Variants in STOX2 observed in about 807,000 individuals in gnomAD.
STOX2 encodes the protein storkhead-box protein 2.
In STOX2, 28 loss-of-function variants were observed where a neutral mutation model predicts 60.9. That is an observed-to-expected ratio of 0.46 (90% CI 0.34 to 0.63). The LOEUF (loss-of-function observed/expected upper bound fraction) is 0.63, where lower values mean the gene tolerates loss of function less well. Ranked by LOEUF, STOX2 falls within the 30% of genes least tolerant of loss-of-function variation. The probability of loss-of-function intolerance (pLI) is 0.01; values close to 1 mark genes in which losing one functional copy is unlikely to be tolerated. For missense variants in STOX2, 1,024 were observed against 1,187.7 expected (o/e 0.86, Z 2.03); for synonymous variants, 472 against 463.9 (o/e 1.02, Z -0.22).
intron 1 of STOX2, among the ~76,000 whole-genome samples, chr4:183,850,925 AGG>A (rs1740107071): frequency 1.4e-5 from 2 of 146,330 alleles, no homozygotes; most frequent in African/African-American, 2.5e-5. Context: ...GGAAAGGATG[AGG>A]GAAAGGATGA....
intron 1 of STOX2, among the ~76,000 whole-genome samples, chr4:183,802,004 G>T (rs539161863): frequency 5.9e-5 from 9 of 152,332 alleles, no homozygotes; most frequent in African/African-American, 1.9e-4. Context: ...ACAGGCCACG[G>T]TTAGTACCCG....
At chr4:183,938,873 C>T (rs886554107) in intron 1 of STOX2, among the ~76,000 whole-genome samples, 6 of 152,020 alleles carry the variant, frequency 3.9e-5, no homozygotes, top group Admixed American at 1.3e-4. Context: ...TGCTACATTT[C>T]ATCAGCTCTG....
chr4:183,977,109 T>A (rs2111183245), intron 1 of STOX2, among the ~76,000 whole-genome samples: 1 of 152,296 alleles, frequency 6.6e-6, no homozygotes, highest in East Asian at 1.9e-4. Flanking sequence ...AGTGGTAAAG[T>A]CTGGGCTTTT....
chr4:184,009,824 G>A lies in STOX2; in HGVS notation c.986G>A (p.Arg329Gln), dbSNP rs748443389. 3 of 1,611,658 alleles carry A rather than the reference G, an allele frequency of 1.9e-6. No homozygotes were observed. Among genetic ancestry groups the A allele is most frequent in the East Asian group, 2.2e-5 (1 of 44,800 alleles). The part of the protein sequence containing the change: ...NPDLTVENVM[R>Q]HTALMKKLEE... ...GACCTGACCGTGGAAAATGTCATGC[G>A]GCACACCGCGCTCATGAAGAAACTG... Residue 329 changes from arginine to glutamine, a missense_variant, in exon 3 of 4, where the codon CGG (arginine) becomes CAG (glutamine). Physicochemically the swap from Arg to Gln is conservative, Grantham distance 43. This residue lies in a region of STOX2 where 922 missense variants were observed against 1,058.3 expected (regional missense o/e 0.87). Transcript: ENST00000308497. This position sits in a 1 kb window ranked among gnomAD's most constrained non-coding sequence, Gnocchi z 4.0.
chr4:183,885,286 G>A (rs1741055161), intron 1 of STOX2, among the ~76,000 whole-genome samples: 1 of 151,858 alleles, frequency 6.6e-6, no homozygotes, highest in African/African-American at 2.4e-5. Context: ...CATTGGCTTT[G>A]GCTGGTCCAA....
intron 1 of STOX2, among the ~76,000 whole-genome samples, chr4:183,933,313 C>T (rs1165274645): frequency 6.6e-6 from 1 of 152,168 alleles, no homozygotes; most frequent in African/African-American, 2.4e-5. Flanking sequence ...AATGGCTTTT[C>T]CTAAGCCTGT....
chr4:183,814,934 T>TA (rs367870778), intron 1 of STOX2, among the ~76,000 whole-genome samples: 24 of 152,336 alleles, frequency 1.6e-4, no homozygotes, highest in African/African-American at 5.8e-4. Flanking sequence ...AAAGATTTAG[T>TA]AAAAAGAAAA....
At chr4:183,855,605 G>C (rs1003220833) in intron 1 of STOX2, among the ~76,000 whole-genome samples, 1 of 152,110 alleles carries the variant, frequency 6.6e-6, no homozygotes, top group Non-Finnish European at 1.5e-5. Context: ...CCTCAGTGTG[G>C]GAAAATCTTT....
In STOX2 at chr4:184,010,686, T is replaced by A. The variant is rs1560942881; in HGVS notation, c.1848T>A (p.Pro616=). ...AGACGGTGCTCACGGCACCATCACC[T>A]CTGGGAAAGAATAAGGAGGACCATG... The part of the protein sequence containing the change: ...SSETVLTAPS[P]LGKNKEDHDT... Residue 616 remains proline, a synonymous_variant, in exon 3 of 4, where the codon CCT becomes CCA. Coordinates refer to ENST00000308497, the MANE Select transcript of STOX2 (RefSeq NM_020225.3). The surrounding 1 kb of genome is among the most constrained non-coding windows in gnomAD (Gnocchi z 4.5). The A allele has an allele frequency of 3.7e-6, 6 of 1,612,918 alleles. No individual in the cohort carries two copies. The highest frequency in any genetic ancestry group is 5.1e-6 in the Non-Finnish European group (6 of 1,179,468).
rs140903739 is a variant in STOX2, at chr4:183,999,466, G to T, written c.167-1859G>T. On this transcript the variant is annotated intron_variant, in intron 1 of 3. Coordinates refer to ENST00000308497, the MANE Select transcript of STOX2 (RefSeq NM_020225.3). The stretch of plus-strand genomic sequence containing the variant: ...CTCCCTTCCTCCTTTTCTGGATGTG[G>T]GTACTCCTGTCTCCCTCTGGCCACT... Among the ~76,000 whole-genome samples the T allele has an allele frequency of 4.9e-3, 741 of 152,204 alleles. 10 individuals carry two copies. The highest frequency in any genetic ancestry group is 0.017 in the African/African-American group (704 of 41,526).
intron 1 of STOX2, among the ~76,000 whole-genome samples, chr4:183,886,457 AGACT>A (rs1176987298): frequency 6.6e-6 from 1 of 152,226 alleles, no homozygotes; most frequent in African/African-American, 2.4e-5. Flanking sequence ...TCAGTAATAC[AGACT>A]GAGAAGAAAT....
intron 1 of STOX2, among the ~76,000 whole-genome samples, chr4:183,984,967 G>T (rs1284820315): frequency 6.6e-6 from 1 of 152,156 alleles, no homozygotes; most frequent in Non-Finnish European, 1.5e-5. Context: ...GTTTCTCAGT[G>T]GAGGCCAATG....
In STOX2 at chr4:183,906,053, C is replaced by G. The variant is rs1052578477; in HGVS notation, c.-738C>G. Reference sequence around the variant, plus strand: ...GACGACGCGGGCTCTTCCTGGATTCCGCAGGAGCCCGCCCGCCGCAGCTGC... The same window carrying G: ...GACGACGCGGGCTCTTCCTGGATTCGGCAGGAGCCCGCCCGCCGCAGCTGC... On this transcript the variant is annotated 5_prime_UTR_variant, in exon 1 of 4. Transcript: ENST00000308497. 6.6e-5 allele frequency: 10 copies of G among 152,170 alleles called. No individual in the cohort carries two copies. Among genetic ancestry groups the G allele is most frequent in the African/African-American group, 1.2e-4 (5 of 41,440 alleles). 9.4% of individuals were successfully genotyped at this position (152,170 alleles called of 1,614,324 possible).
chr4:183,887,517 C>T (rs925574346), intron 1 of STOX2, among the ~76,000 whole-genome samples: 1 of 152,190 alleles, frequency 6.6e-6, no homozygotes, highest in Non-Finnish European at 1.5e-5. Flanking sequence ...CATATCCCTA[C>T]TAATGAAGGA....
intron 1 of STOX2, among the ~76,000 whole-genome samples, chr4:183,977,542 A>T (rs79486155): frequency 0.12 from 7,136 of 59,318 alleles, 567 homozygotes; most frequent in African/African-American, 0.28. Context: ...GTAGCATTCC[A>T]TTTCGTGTGT....
chr4:183,839,049 G>GCACACA (rs369296969), intron 1 of STOX2, among the ~76,000 whole-genome samples: 28 of 148,656 alleles, frequency 1.9e-4, no homozygotes, highest in South Asian at 1.1e-3. Flanking sequence ...AGGTACACAT[G>GCACACA]CACACACACA....
Position 183,825,978 on chromosome 4 carries a change from ACCT to A in STOX2, c.364+27925_364+27927del, listed in dbSNP as rs2111115495. Among the ~76,000 whole-genome samples the A allele has an allele frequency of 1.3e-5, 2 of 151,516 alleles. No individual in the cohort carries two copies. The highest frequency in any genetic ancestry group is 3.9e-4 in the East Asian group (2 of 5,078). ...CGCTGAAACCTTTGGGTAATCTATC[ACCT>A]CTTCTTCTGCTCTTTCCTGTTTGTC... On this transcript the variant is annotated intron_variant, in intron 1 of 2. Coordinates refer to the STOX2 transcript ENST00000513034. The surrounding 1 kb of genome is among the most constrained non-coding windows in gnomAD (Gnocchi z 4.1).
chr4:183,826,794 G>A (rs767260700), intron 1 of STOX2, among the ~76,000 whole-genome samples: 4 of 152,194 alleles, frequency 2.6e-5, no homozygotes, highest in African/African-American at 7.2e-5. Flanking sequence ...GTCTGGAATC[G>A]CCAGCTGGAC....
chr4:183,949,519 GA>G (rs1743006082), intron 1 of STOX2, among the ~76,000 whole-genome samples: 1 of 152,072 alleles, frequency 6.6e-6, no homozygotes, highest in Admixed American at 6.6e-5. Context: ...CCAACATGAT[GA>G]AACCCCATCT....
Sources: gnomAD v4.1 joint callset for allele counts (sites outside exome capture counted in the v4.1 genomes callset) on GRCh38, gnomAD v4.1.1 for gene constraint, gnomAD v4.1.1 regional missense constraint, Gnocchi (gnomAD v3.1) non-coding constraint, MANE v1.5 for transcripts, NCBI Gene and HGNC (gene_info 2026-07-23, HGNC 2026-07-21) for gene names.